ZCWPW1: variants seen among roughly 807,000 people sequenced by gnomAD.
ZCWPW1 encodes the protein zinc finger CW-type and PWWP domain containing 1.
In ZCWPW1, 56 loss-of-function variants were observed where a neutral mutation model predicts 81.3. The ratio of observed to expected loss-of-function variants is 0.69; its 90% CI spans 0.56 to 0.86. The LOEUF (loss-of-function observed/expected upper bound fraction) is 0.86. Ranked by LOEUF, ZCWPW1 falls within the 40% of genes least tolerant of loss-of-function variation. ZCWPW1 has a pLI of 0.00. For synonymous variants in ZCWPW1, 250 were observed against 273.7 expected, an observed-to-expected ratio of 0.91 and a Z score of 0.86; for missense variants, 650 against 769.8, an observed-to-expected ratio of 0.84 and a Z score of 1.84.
rs1795891609 is a variant in ZCWPW1 at position 100,419,129 on chromosome 7, A to G, written c.343T>C (p.Ser115Pro). The part of the protein sequence containing the change: ...EEIVQIVLQK[S>P]LQECLGMGSG... ...GCCATACCCAAGCACTCCTGAAGGG[A>G]CTTCTGCAGAACAATCTGGACAATC... Residue 115 changes from serine (S) to proline (P), a missense_variant, in exon 5 of 18, where the codon TCC becomes CCC. Transcript: ENST00000684423. 6.2e-7 allele frequency: 1 copy of G among 1,613,522 alleles called. No individual in the cohort carries two copies. Among genetic ancestry groups the G allele is most frequent in the South Asian group, 1.1e-5 (1 of 91,002 alleles).
chr7:100,416,774 G>A (rs1251385469), intron 6 of ZCWPW1, among the ~76,000 whole-genome samples: 6 of 151,972 alleles, frequency 3.9e-5, no homozygotes, highest in South Asian at 2.1e-4. Context: ...GGTGAACCCC[G>A]TCTCTACTAA....
At chr7:100,410,740 C>T (rs1793994651) in intron 8 of ZCWPW1, among the ~76,000 whole-genome samples, 1 of 152,228 alleles carries the variant, frequency 6.6e-6, no homozygotes, top group Admixed American at 6.5e-5. Context: ...CTCATCCAAA[C>T]ATCCTATCTA....
At chr7:100,410,452 ACTACTCTC>A (rs1192514089) in intron 8 of ZCWPW1, among the ~76,000 whole-genome samples, 3 of 152,184 alleles carry the variant, frequency 2.0e-5, no homozygotes, top group African/African-American at 7.2e-5. Context: ...CCCCATTGCT[ACTACTCTC>A]CAACTCTTAT....
rs578228462 is a variant in ZCWPW1, at chr7:100,410,198, G to C, written c.755-654C>G. Reference sequence around the variant, plus strand: ...CTCCTAAGCTGACCCATGTCCCTCAGCCTCTCCTCTCTCCCACCAAAACTC... The same window carrying C: ...CTCCTAAGCTGACCCATGTCCCTCACCCTCTCCTCTCTCCCACCAAAACTC... On this transcript the variant is annotated intron_variant, in intron 8 of 17. Transcript: ENST00000684423. 1.9e-3 allele frequency among the ~76,000 whole-genome samples: 285 copies of C among 152,178 alleles called. 2 individuals carry two copies. The highest frequency in any genetic ancestry group is 0.014 in the Middle Eastern group (4 of 294).
Position 100,409,493 on chromosome 7 carries a change from C to T in ZCWPW1, c.806G>A (p.Arg269Lys). ...GGGGTCAATGTTCCCACACAGCCGC[C>T]TCCATTTCCCACAGTTTGGGAAGGA... The part of the protein sequence containing the change: ...QCSFPNCGKW[R>K]RLCGNIDPSV... Residue 269 changes from arginine (R) to lysine (K), a missense_variant, in exon 9 of 18, where the codon AGG becomes AAG. Transcript: ENST00000684423. 1.2e-6 allele frequency: 2 copies of T among 1,614,192 alleles called. No homozygotes were observed. Among genetic ancestry groups the T allele is most frequent in the Non-Finnish European group, 1.7e-6 (2 of 1,180,018 alleles).
At position 100,415,882 on chromosome 7, in the gene ZCWPW1, C is replaced by A. The variant is rs767620247; in HGVS notation, c.754+93G>T. 846 of 1,514,206 alleles carry A rather than the reference C, an allele frequency of 5.6e-4. 2 individuals carry two copies. The highest frequency in any genetic ancestry group is 7.0e-4 in the Non-Finnish European group (779 of 1,111,110). The allele number at this position is 1,514,206 out of a possible 1,614,324, so 93.8% of individuals were successfully genotyped here. A position where few individuals can be genotyped will look rare whatever the true frequency, so the allele number is the denominator to read the frequency against. The stretch of plus-strand genomic sequence containing the variant: ...GCAGCTGTGAGAGATTGACTATATT[C>A]TTTGCAGAGGTTCCTCTAACATCCT... On this transcript the variant is annotated intron_variant, in intron 8 of 17. Transcript: ENST00000684423.
intron 8 of ZCWPW1, among the ~76,000 whole-genome samples, chr7:100,410,267 G>A (rs1793915232): frequency 6.6e-6 from 1 of 152,060 alleles, no homozygotes; most frequent in Non-Finnish European, 1.5e-5. Context: ...AGCAACAAAA[G>A]TCCACATATC....
At chr7:100,406,951 G>A (rs891998547) in intron 11 of ZCWPW1, among the ~76,000 whole-genome samples, 153 bp from the exon 12 acceptor site, 3 of 152,078 alleles carry the variant, frequency 2.0e-5, no homozygotes, top group Admixed American at 6.6e-5. Context: ...CCCTACCCTC[G>A]TTGCAATTGT....
intron 8 of ZCWPW1, among the ~76,000 whole-genome samples, chr7:100,413,661 C>T (rs1794645774): frequency 6.6e-6 from 1 of 152,240 alleles, no homozygotes; most frequent in Non-Finnish European, 1.5e-5. Flanking sequence ...CACAATTCAA[C>T]TCACAATCAC....
rs757071349 is a variant in ZCWPW1, at chr7:100,401,109, TGAGTTGCTCCA to T, written c.1844_1854del (p.Leu615HisfsTer20). 6.2e-7 allele frequency: 1 copy of T among 1,612,258 alleles called. No individual in the cohort carries two copies. Reference sequence around the variant, plus strand: ...CCCAGCTCTCTCCCAACATCTTCCATGAGTTGCTCCAGGTCCAGGTCACTGGAGGCTTCGTC... The same window carrying T: ...CCCAGCTCTCTCCCAACATCTTCCATGGTCCAGGTCACTGGAGGCTTCGTC... On this transcript the variant is annotated frameshift_variant, in exon 18 of 18. Coordinates refer to ENST00000684423, the MANE Select transcript of ZCWPW1 (RefSeq NM_001386010.1). LOFTEE classifies it low-confidence loss of function (END_TRUNC).
intron 8 of ZCWPW1, among the ~76,000 whole-genome samples, chr7:100,414,618 G>A (rs1794840577): frequency 6.6e-6 from 1 of 151,852 alleles, no homozygotes; most frequent in Non-Finnish European, 1.5e-5. Flanking sequence ...GTCTCACTGT[G>A]TTGCCCAAGC....
chr7:100,419,060 G>A, intron 5 of ZCWPW1, 51 bp downstream of exon 5: 1 of 1,474,444 alleles, frequency 6.8e-7, no homozygotes, highest in Non-Finnish European at 9.5e-7. Context: ...TCCCTCTCAG[G>A]TAACAGTCAC....
chr7:100,423,613 C>A (rs1796747544), intron 2 of ZCWPW1, among the ~76,000 whole-genome samples: 1 of 152,144 alleles, frequency 6.6e-6, no homozygotes. Context: ...AACGACGTTT[C>A]CTTTATATTA....
At chr7:100,404,124 T>G (rs1792491490) in intron 14 of ZCWPW1, 54 bp downstream of exon 14, 22 of 1,577,740 alleles carry the variant, frequency 1.4e-5, no homozygotes, top group Non-Finnish European at 1.9e-5. Context: ...GTTGCTGCCC[T>G]CATGAAGGAA....
At chr7:100,421,560 G>T (rs1452685451) in intron 2 of ZCWPW1, among the ~76,000 whole-genome samples, 1 of 152,178 alleles carries the variant, frequency 6.6e-6, no homozygotes, top group Non-Finnish European at 1.5e-5. Flanking sequence ...ATAACCAGTA[G>T]AGGTTCCCAG....
chr7:100,419,386 T>TA (rs938089988), intron 4 of ZCWPW1, among the ~76,000 whole-genome samples, 197 bp from the exon 5 acceptor site: 1 of 152,164 alleles, frequency 6.6e-6, no homozygotes, highest in Non-Finnish European at 1.5e-5. Flanking sequence ...GAAAAGTGTA[T>TA]AATGTCTCTG....
intron 13 of ZCWPW1, 46 bp downstream of exon 13, chr7:100,404,967 T>A (rs1328801554): frequency 1.3e-6 from 2 of 1,572,160 alleles, no homozygotes; most frequent in Non-Finnish European, 1.7e-6. Context: ...ATCCCCCTTG[T>A]CCAAGAGTAG....
intron 15 of ZCWPW1, 80 bp from the exon 16 acceptor site, chr7:100,402,656 T>C (rs1320561057): frequency 7.1e-7 from 1 of 1,414,278 alleles, no homozygotes; most frequent in Admixed American, 1.7e-5. Context: ...TGCTACAGAA[T>C]GACAGGTGGG....
At chr7:100,414,823 G>A (rs926220623) in intron 8 of ZCWPW1, among the ~76,000 whole-genome samples, 1 of 151,986 alleles carries the variant, frequency 6.6e-6, no homozygotes, top group Non-Finnish European at 1.5e-5. Flanking sequence ...TCAAGAGATC[G>A]AGACTATCCT....
Sources: allele counts gnomAD v4.1 joint callset (sites outside exome capture counted in the v4.1 genomes callset), GRCh38; gene constraint gnomAD v4.1.1; transcripts MANE v1.5; gene names NCBI Gene and HGNC (gene_info 2026-07-23, HGNC 2026-07-21).